SFMBT1: variants seen among roughly 807,000 people sequenced by gnomAD.
The protein encoded by SFMBT1 is scm-like with four MBT domains protein 1.
SFMBT1 carries 32 observed loss-of-function variants against 108.7 expected under a neutral mutation model. The ratio of observed to expected loss-of-function variants is 0.29; its 90% CI spans 0.22 to 0.40. The LOEUF is 0.40. Among genes scored for constraint, SFMBT1 ranks in the 10% least tolerant of loss-of-function variants. The pLI is 1.00. For synonymous variants in SFMBT1, 348 were observed against 369.5 expected, an observed-to-expected ratio of 0.94 and a Z score of 0.67; for missense variants, 816 against 1,059.6, an observed-to-expected ratio of 0.77 and a Z score of 3.19.
intron 13 of SFMBT1, among the ~76,000 whole-genome samples, chr3:52,917,413 A>C (rs1207388872): frequency 6.6e-6 from 1 of 152,114 alleles, no homozygotes; most frequent in Non-Finnish European, 1.5e-5. Context: ...CGGGGAGAGA[A>C]AGATTTTTCC....
At position 53,003,507 on chromosome 3, in the gene SFMBT1, G is replaced by A. The variant is rs1698630215; in HGVS notation, c.-130-34249C>T. On this transcript the variant is annotated intron_variant, in intron 1 of 20. Coordinates refer to ENST00000394752, the MANE Select transcript of SFMBT1 (RefSeq NM_016329.4). ...AGTGGGCCACGTGTTGATAATTGTG[G>A]GAACCAAGTAACATGATATTCTCTC... is the stretch of plus-strand genomic sequence containing the variant. Among the ~76,000 whole-genome samples, 2 of 149,928 alleles carry A rather than the reference G, an allele frequency of 1.3e-5. 1 individual carries two copies. Among genetic ancestry groups the A allele is most frequent in the Non-Finnish European group, 3.0e-5 (2 of 67,002 alleles).
chr3:52,931,569 G>A (rs768263619), intron 6 of SFMBT1, among the ~76,000 whole-genome samples: 1 of 152,168 alleles, frequency 6.6e-6, no homozygotes, highest in Non-Finnish European at 1.5e-5. Context: ...GCCAGGTACG[G>A]TGTCTCACGC....
chr3:53,022,094 G>C (rs1489741260), intron 1 of SFMBT1, among the ~76,000 whole-genome samples: 1 of 152,168 alleles, frequency 6.6e-6, no homozygotes, highest in Non-Finnish European at 1.5e-5. Flanking sequence ...TCACTTACTA[G>C]GTGAAACAAA....
At chr3:52,912,805 T>C (rs1460726608) in intron 15 of SFMBT1, among the ~76,000 whole-genome samples, 158 bp from the exon 16 acceptor site, 4 of 152,208 alleles carry the variant, frequency 2.6e-5, no homozygotes, top group African/African-American at 9.7e-5. Context: ...ATCAGAGATA[T>C]TACAGCCACC....
intron 14 of SFMBT1, among the ~76,000 whole-genome samples, chr3:52,914,767 G>A (rs2106769696): frequency 6.6e-6 from 1 of 152,080 alleles, no homozygotes; most frequent in African/African-American, 2.4e-5. Context: ...ACAAAAAAAC[G>A]ATGGTCTATC....
intron 4 of SFMBT1, among the ~76,000 whole-genome samples, chr3:52,941,337 T>C (rs1703174341): frequency 6.6e-6 from 1 of 152,256 alleles, no homozygotes; most frequent in Admixed American, 6.5e-5. Flanking sequence ...CTCACGCCTG[T>C]AATCCCAGCA....
At chr3:52,944,182 T>C (rs1413753147) in intron 3 of SFMBT1, among the ~76,000 whole-genome samples, 1 of 152,258 alleles carries the variant, frequency 6.6e-6, no homozygotes, top group Non-Finnish European at 1.5e-5. Flanking sequence ...ATTAATACTT[T>C]ATGTGTATAC....
In SFMBT1 at chr3:53,024,896, A is replaced by G. The variant is rs1699436039; in HGVS notation, c.-131+20920T>C. Among the ~76,000 whole-genome samples the G allele has an allele frequency of 2.0e-5, 3 of 152,350 alleles. No individual in the cohort carries two copies. In the South Asian group the frequency reaches 6.2e-4, roughly 32 times the overall value. On this transcript the variant is annotated intron_variant, in intron 1 of 20. Coordinates refer to ENST00000394752, the MANE Select transcript of SFMBT1 (RefSeq NM_016329.4). ...TTTATGTTTTGATATTTAACCAAAT[A>G]TAAGAATATAAAGGCTTTGGCCATT... is the stretch of plus-strand genomic sequence containing the variant.
chr3:52,954,522 T>A (rs1450157135), intron 2 of SFMBT1, 111 bp from the exon 3 acceptor site: 3 of 852,978 alleles, frequency 3.5e-6, no homozygotes, highest in African/African-American at 1.7e-5. Flanking sequence ...CACAACTGAT[T>A]TTGCACAAAA....
intron 2 of SFMBT1, among the ~76,000 whole-genome samples, chr3:52,956,946 T>A (rs1703804250): frequency 6.6e-6 from 1 of 152,000 alleles, no homozygotes; most frequent in Admixed American, 6.6e-5. Context: ...ACCACTCCTA[T>A]TAAACATAGT....
At position 52,954,330 on chromosome 3, in the gene SFMBT1, C is replaced by T. The variant is rs1223207516; in HGVS notation, c.110G>A (p.Gly37Glu). The part of the protein sequence containing the change: ...EETGSTAVPY[G>E]SFKHVDTRLQ... ...GTTATTGCTTACATGTTTAAAAGAC[C>T]CATAGGGAACTGCTGTGGACCCTGT... The change falls in exon 3 of 21, where the codon GGG (glycine) becomes GAG (glutamate). Residue 37 changes from glycine (G) to glutamate (E), a missense_variant. Physicochemically the swap from Gly to Glu is moderately conservative, Grantham distance 98. This residue lies in a region of SFMBT1 where 495 missense variants were observed against 607.4 expected (regional missense o/e 0.81). Coordinates refer to ENST00000394752, the MANE Select transcript of SFMBT1 (RefSeq NM_016329.4). The T allele has an allele frequency of 1.1e-5, 17 of 1,612,554 alleles. No individual in the cohort carries two copies. In the East Asian group the frequency reaches 3.1e-4, roughly 30 times the overall value.
At chr3:53,041,133 T>C (rs892497325) in intron 1 of SFMBT1, among the ~76,000 whole-genome samples, 10 of 151,754 alleles carry the variant, frequency 6.6e-5, no homozygotes, top group African/African-American at 2.2e-4. Flanking sequence ...TATTTTTTGT[T>C]TTTAAATAAA....
chr3:52,931,924 T>G, intron 6 of SFMBT1, 138 bp downstream of exon 6: 1 of 985,292 alleles, frequency 1.0e-6, no homozygotes, highest in Non-Finnish European at 1.4e-6. Flanking sequence ...CAACTCCATA[T>G]AAACTGTTTT....
intron 1 of SFMBT1, among the ~76,000 whole-genome samples, chr3:53,015,345 G>GTA (rs1370931608): frequency 1.3e-5 from 2 of 151,994 alleles, no homozygotes; most frequent in Non-Finnish European, 2.9e-5. Flanking sequence ...AGGTAAAATG[G>GTA]TATAGGCAAT....
At chr3:53,037,520 G>C (rs570890392) in intron 1 of SFMBT1, among the ~76,000 whole-genome samples, 33 of 152,280 alleles carry the variant, frequency 2.2e-4, no homozygotes, top group African/African-American at 7.5e-4. Flanking sequence ...CATTAAAAGA[G>C]AAATAAAATT....
chr3:53,035,004 G>A (rs546474260), intron 1 of SFMBT1, among the ~76,000 whole-genome samples: 1 of 152,344 alleles, frequency 6.6e-6, no homozygotes, highest in Non-Finnish European at 1.5e-5. Flanking sequence ...GTCCATGTGA[G>A]ACTGACATTT....
Position 52,971,120 on chromosome 3 carries a change from A to G in SFMBT1, c.-130-1862T>C, listed in dbSNP as rs1704326097. On this transcript the variant is annotated intron_variant, in intron 1 of 20. Coordinates refer to ENST00000394752, the MANE Select transcript of SFMBT1 (RefSeq NM_016329.4). ...CATGCCACTGCACTCCAGCCTGGGCAATGAGAGTGAAATCCTGTCTCAAAA... is the reference window on the plus strand; with the variant it reads ...CATGCCACTGCACTCCAGCCTGGGCGATGAGAGTGAAATCCTGTCTCAAAA... 2.0e-5 allele frequency among the ~76,000 whole-genome samples: 3 copies of G among 152,080 alleles called. No homozygotes were observed. In the South Asian group the frequency reaches 6.2e-4, roughly 31 times the overall value.
chr3:52,963,374 A>G, intron 2 of SFMBT1, among the ~76,000 whole-genome samples: 1 of 152,210 alleles, frequency 6.6e-6, no homozygotes. Context: ...TATAAATTTC[A>G]AATAAACTGA....
chr3:52,986,747 G>T (rs1185950703), intron 1 of SFMBT1, among the ~76,000 whole-genome samples: 1 of 136,754 alleles, frequency 7.3e-6, no homozygotes, highest in Non-Finnish European at 1.5e-5. Context: ...CTGCACTTTA[G>T]CCTGGTGACA....
Sources: gnomAD v4.1 joint callset for allele counts (sites outside exome capture counted in the v4.1 genomes callset) on GRCh38, gnomAD v4.1.1 for gene constraint, gnomAD v4.1.1 regional missense constraint, MANE v1.5 for transcripts, NCBI Gene and HGNC (gene_info 2026-07-23, HGNC 2026-07-21) for gene names.